Variants in ATRNL1 observed in about 807,000 individuals in gnomAD.
ATRNL1 encodes attractin like 1.
A neutral mutation model predicts 182.7 loss-of-function variants in ATRNL1; 95 were observed. The ratio of observed to expected loss-of-function variants is 0.52; its 90% CI spans 0.44 to 0.62. The LOEUF (loss-of-function observed/expected upper bound fraction) is 0.62, where lower values mean the gene tolerates loss of function less well. Ranked by LOEUF, ATRNL1 falls within the 20% of genes least tolerant of loss-of-function variation. ATRNL1 has a pLI of 0.00. For synonymous variants in ATRNL1, 576 were observed against 568.3 expected (o/e 1.01, Z -0.19); for missense variants, 1,471 against 1,679.5 (o/e 0.88, Z 2.17).
intron 26 of ATRNL1, among the ~76,000 whole-genome samples, chr10:115,644,643 T>C (rs1246852614): frequency 6.6e-6 from 1 of 152,188 alleles, no homozygotes; most frequent in Admixed American, 6.5e-5. Context: ...TGGATGTGGC[T>C]ATTTCACAGT....
intron 28 of ATRNL1, among the ~76,000 whole-genome samples, chr10:115,940,680 TCTCTCTCTCTCTCTCTCTTCTC>T (rs375742050): frequency 0.23 from 32,336 of 141,626 alleles, 4,945 homozygotes; most frequent in African/African-American, 0.47. Context: ...TTACTCTCTC[TCTCTCTCTCTCTCTCTCTTCTC>T]TCTCTCTCTC....
chr10:115,148,714 G>A (rs958292699), intron 5 of ATRNL1, among the ~76,000 whole-genome samples: 1 of 149,374 alleles, frequency 6.7e-6, no homozygotes, highest in African/African-American at 2.5e-5. Context: ...GTGGTGTTCC[G>A]AATGGATCTC....
At chr10:115,835,412 A>T (rs782320397) in intron 27 of ATRNL1, among the ~76,000 whole-genome samples, 1 of 152,204 alleles carries the variant, frequency 6.6e-6, no homozygotes, top group African/African-American at 2.4e-5. Flanking sequence ...CACCAAGATC[A>T]TAATTTCTGC....
At chr10:115,858,196 T>A (rs1951229762) in intron 28 of ATRNL1, among the ~76,000 whole-genome samples, 1 of 152,182 alleles carries the variant, frequency 6.6e-6, no homozygotes, top group African/African-American at 2.4e-5. Context: ...GCTGAGTGTT[T>A]ACGCAAAGGA....
At chr10:115,582,363 A>C (rs1280730111) in intron 26 of ATRNL1, among the ~76,000 whole-genome samples, 2 of 140,714 alleles carry the variant, frequency 1.4e-5, no homozygotes, top group Admixed American at 7.3e-5. Context: ...TCCCACCAAC[A>C]GTGTAAAAGT....
At chr10:115,717,159 G>A (rs941440197) in intron 26 of ATRNL1, among the ~76,000 whole-genome samples, 1 of 152,098 alleles carries the variant, frequency 6.6e-6, no homozygotes, top group Non-Finnish European at 1.5e-5. Context: ...GAGGGAACTA[G>A]GTTCATTGTA....
intron 8 of ATRNL1, among the ~76,000 whole-genome samples, chr10:115,200,562 C>A (rs1161877154): frequency 3.3e-4 from 48 of 145,048 alleles, no homozygotes; most frequent in Middle Eastern, 3.6e-3. Context: ...TGAACTCATC[C>A]TTTTTTATGG....
intron 6 of ATRNL1, among the ~76,000 whole-genome samples, chr10:115,160,947 G>A (rs570630861): frequency 5.3e-5 from 8 of 151,826 alleles, no homozygotes; most frequent in Non-Finnish European, 1.0e-4. Flanking sequence ...CAATAGAATT[G>A]CCAGATTTAG....
At chr10:115,904,603 AT>A (rs1555114157) in intron 28 of ATRNL1, among the ~76,000 whole-genome samples, 1 of 152,184 alleles carries the variant, frequency 6.6e-6, no homozygotes. Context: ...CTCAAAATCT[AT>A]TTCCTATTCC....
intron 26 of ATRNL1, among the ~76,000 whole-genome samples, chr10:115,670,038 T>A (rs1185573630): frequency 6.6e-6 from 1 of 152,112 alleles, no homozygotes; most frequent in Non-Finnish European, 1.5e-5. Flanking sequence ...TGAGAGGGAT[T>A]ATACTAGCAT....
intron 28 of ATRNL1, among the ~76,000 whole-genome samples, chr10:115,900,248 A>C (rs1324078521): frequency 6.6e-6 from 1 of 152,202 alleles, no homozygotes; most frequent in Non-Finnish European, 1.5e-5. Flanking sequence ...ATAACTCAAA[A>C]ATTAATGCCT....
chr10:115,693,047 G>A (rs535474081), intron 26 of ATRNL1, among the ~76,000 whole-genome samples: 66 of 152,172 alleles, frequency 4.3e-4, no homozygotes, highest in African/African-American at 1.5e-3. Flanking sequence ...GTACTGAAGA[G>A]CACTTTTGTG....
chr10:115,247,869 G>T (rs183909671), intron 10 of ATRNL1, among the ~76,000 whole-genome samples: 2 of 152,248 alleles, frequency 1.3e-5, no homozygotes, highest in African/African-American at 2.4e-5. Flanking sequence ...ATCATTTGTG[G>T]CAACATGGAT....
chr10:115,222,686 C>G (rs1554897716), intron 9 of ATRNL1, among the ~76,000 whole-genome samples: 2 of 151,992 alleles, frequency 1.3e-5, no homozygotes, highest in African/African-American at 2.4e-5. Flanking sequence ...ATCTAAAATT[C>G]TACATAATTA....
chr10:115,488,115 T>A (rs576623955), intron 24 of ATRNL1, among the ~76,000 whole-genome samples: 1 of 152,310 alleles, frequency 6.6e-6, no homozygotes, highest in African/African-American at 2.4e-5. Context: ...GCTGCTGGAT[T>A]CAATTTGCCG....
intron 15 of ATRNL1, among the ~76,000 whole-genome samples, chr10:115,294,595 T>C (rs1469173904): frequency 6.6e-6 from 1 of 152,244 alleles, no homozygotes; most frequent in Non-Finnish European, 1.5e-5. Context: ...TGTTTACTTA[T>C]GTTGGGTTCT....
intron 26 of ATRNL1, among the ~76,000 whole-genome samples, chr10:115,605,375 C>A (rs1215265489): frequency 6.6e-6 from 1 of 151,998 alleles, no homozygotes. Context: ...AAGCTTACTT[C>A]TTGAGGAATG....
chr10:115,896,671 TA>T lies in ATRNL1; in HGVS notation c.4019-47986del, dbSNP rs539416576. ...GTTAAAAAGAAAAAGAATACAGAAATAGATTCAAATATATGTGGTAATTTAG... is the reference window on the plus strand; with the variant it reads ...GTTAAAAAGAAAAAGAATACAGAAATGATTCAAATATATGTGGTAATTTAG... On this transcript the variant is annotated intron_variant, in intron 28 of 28. Coordinates refer to ENST00000355044, the MANE Select transcript of ATRNL1 (RefSeq NM_207303.4). 2.4e-4 allele frequency among the ~76,000 whole-genome samples: 37 copies of T among 152,108 alleles called. No homozygotes were observed. In the East Asian group the frequency reaches 6.9e-3, roughly 29 times the overall value.
intron 26 of ATRNL1, among the ~76,000 whole-genome samples, chr10:115,590,625 A>G (rs1230212181): frequency 6.6e-6 from 1 of 152,078 alleles, no homozygotes; most frequent in African/African-American, 2.4e-5. Context: ...AAATATAGTC[A>G]CTTCCCACCT....
Sources: gnomAD v4.1 joint callset for allele counts (sites outside exome capture counted in the v4.1 genomes callset) on GRCh38, gnomAD v4.1.1 for gene constraint, MANE v1.5 for transcripts, NCBI Gene and HGNC (gene_info 2026-07-23, HGNC 2026-07-21) for gene names.